RTL4: variants seen among roughly 807,000 people sequenced by gnomAD.
RTL4 encodes retrotransposon Gag-like protein 4.
RTL4 carries 4 observed loss-of-function variants against 5.3 expected under a neutral mutation model. The observed-to-expected ratio is 0.75, with a 90% CI of 0.37 to 1.72. RTL4 has a LOEUF of 1.72. Ranked by LOEUF, RTL4 falls within the 40% of genes most tolerant of loss-of-function variation. RTL4 has a pLI of 0.04. For missense variants in RTL4, 260 were observed against 227.1 expected, an observed-to-expected ratio of 1.14 and a Z score of -0.93; for synonymous variants, 98 against 87.3, an observed-to-expected ratio of 1.12 and a Z score of -0.68.
the RTL4 span, among the ~76,000 whole-genome samples, chrX:112,335,317 T>C: frequency 9.0e-6 from 1 of 111,351 alleles, no homozygotes; most frequent in Non-Finnish European, 1.9e-5. Context: ...TTTGGCTTTT[T>C]CTCTTTTTTC....
the RTL4 span, among the ~76,000 whole-genome samples, chrX:112,246,807 C>T: frequency 2.2e-4 from 25 of 111,355 alleles, no homozygotes; most frequent in East Asian, 1.7e-3. Context: ...GCATTGATCA[C>T]GCTGGGAGCT....
chrX:112,201,973 TTGTGTG>T, the RTL4 span, among the ~76,000 whole-genome samples: 1,664 of 103,405 alleles, frequency 0.016, 37 homozygotes, highest in African/African-American at 0.055. Context: ...TTGTGTGTGT[TTGTGTG>T]TGTGTGTGTG....
At chrX:112,142,878 G>C in the RTL4 span, among the ~76,000 whole-genome samples, 1 of 111,240 alleles carries the variant, frequency 9.0e-6, no homozygotes, top group Non-Finnish European at 1.9e-5. Flanking sequence ...ACCCAGGCTA[G>C]AGTGCACTGA....
At chrX:112,414,814 G>T in the RTL4 span, among the ~76,000 whole-genome samples, 1 of 111,460 alleles carries the variant, frequency 9.0e-6, no homozygotes, top group East Asian at 2.8e-4. Flanking sequence ...TCCCTTAAGA[G>T]CCTGTGAGAG....
chrX:112,256,405 T>C, the RTL4 span, among the ~76,000 whole-genome samples: 1 of 111,990 alleles, frequency 8.9e-6, no homozygotes, highest in Non-Finnish European at 1.9e-5. Flanking sequence ...CACACACTGG[T>C]CTGCACCTTG....
the RTL4 span, among the ~76,000 whole-genome samples, chrX:112,348,856 G>C: frequency 9.1e-6 from 1 of 110,267 alleles, no homozygotes; most frequent in Non-Finnish European, 1.9e-5. Flanking sequence ...AACAAGGAGA[G>C]ATAATAACTC....
the RTL4 span, among the ~76,000 whole-genome samples, chrX:112,124,060 T>C: frequency 4.5e-5 from 5 of 110,792 alleles, no homozygotes; most frequent in Non-Finnish European, 7.6e-5. Context: ...GACATACATA[T>C]GAAAAAAGCT....
chrX:112,272,396 G>A, the RTL4 span, among the ~76,000 whole-genome samples: 6 of 111,678 alleles, frequency 5.4e-5, no homozygotes, highest in Admixed American at 4.8e-4. Flanking sequence ...TGGATCCTAA[G>A]CTGAGTCTGG....
At chrX:112,133,805 T>G in the RTL4 span, among the ~76,000 whole-genome samples, 22 of 112,381 alleles carry the variant, frequency 2.0e-4, no homozygotes, top group Non-Finnish European at 1.9e-4. Context: ...GCCTGCTACA[T>G]GATAATTGTT....
chrX:112,416,216 C>A, the RTL4 span, among the ~76,000 whole-genome samples: 177 of 111,389 alleles, frequency 1.6e-3, 2 homozygotes, highest in African/African-American at 5.6e-3. Flanking sequence ...CATATTGGAC[C>A]AAGGACCCAC....
At chrX:112,438,959 C>T in the RTL4 span, among the ~76,000 whole-genome samples, 1 of 111,544 alleles carries the variant, frequency 9.0e-6, no homozygotes, top group African/African-American at 3.3e-5. Flanking sequence ...TCAGTCACTT[C>T]GAAAATCGTC....
the RTL4 span, among the ~76,000 whole-genome samples, chrX:112,122,831 A>G: frequency 9.0e-6 from 1 of 111,415 alleles, no homozygotes; most frequent in Non-Finnish European, 1.9e-5. Context: ...ATGCCTGTAT[A>G]TTGTATGACA....
the RTL4 span, among the ~76,000 whole-genome samples, chrX:112,393,914 C>T: frequency 8.4e-4 from 94 of 111,862 alleles, no homozygotes; most frequent in African/African-American, 2.6e-3. Context: ...GTTGCAGCTA[C>T]TTTTGCTGGG....
chrX:112,162,099 G>A, the RTL4 span, among the ~76,000 whole-genome samples: 1 of 110,329 alleles, frequency 9.1e-6, no homozygotes, highest in Non-Finnish European at 1.9e-5. Flanking sequence ...ACAAAGGAAA[G>A]TTTTGGAGAG....
chrX:112,268,038 C>A, the RTL4 span, among the ~76,000 whole-genome samples: 1 of 111,170 alleles, frequency 9.0e-6, no homozygotes. Context: ...CAAGTCATGT[C>A]ACCCCTCTGC....
At chrX:112,282,101 T>C in the RTL4 span, among the ~76,000 whole-genome samples, 1 of 112,359 alleles carries the variant, frequency 8.9e-6, no homozygotes, top group Non-Finnish European at 1.9e-5. Flanking sequence ...TTTCTTGTAA[T>C]AGTTTTACTG....
chrX:112,188,549 T>C, the RTL4 span, among the ~76,000 whole-genome samples: 3 of 111,715 alleles, frequency 2.7e-5, no homozygotes, highest in Non-Finnish European at 5.6e-5. Flanking sequence ...ACAATTTCCC[T>C]GAGGAGGTCT....
the RTL4 span, among the ~76,000 whole-genome samples, chrX:112,112,004 C>T: frequency 8.9e-6 from 1 of 111,884 alleles, no homozygotes. Context: ...CATAAACTTC[C>T]TTTGGCACCT....
the RTL4 span, among the ~76,000 whole-genome samples, chrX:112,128,777 T>G: frequency 2.7e-5 from 3 of 110,904 alleles, no homozygotes; most frequent in Non-Finnish European, 5.7e-5. Flanking sequence ...TATAAAACTC[T>G]TAGAATAAAA....
Sources: allele counts gnomAD v4.1 joint callset (sites outside exome capture counted in the v4.1 genomes callset), GRCh38; gene constraint gnomAD v4.1.1; transcripts MANE v1.5; gene names NCBI Gene and HGNC (gene_info 2026-07-23, HGNC 2026-07-21).